Variants in SH2B2 observed in about 807,000 individuals in gnomAD.
The protein encoded by SH2B2 is SH2B adapter protein 2.
In SH2B2, 37 loss-of-function variants were observed where a neutral mutation model predicts 35.7. The observed-to-expected ratio is 1.04, with a 90% confidence interval of 0.80 to 1.36. The LOEUF (loss-of-function observed/expected upper bound fraction) is 1.36, where lower values mean the gene tolerates loss of function less well. SH2B2 is among the 40% of genes most tolerant of loss of function. SH2B2 has a pLI of 0.00. For synonymous variants in SH2B2, 383 were observed against 376.4 expected, an observed-to-expected ratio of 1.02 and a Z score of -0.20; for missense variants, 852 against 817.7, an observed-to-expected ratio of 1.04 and a Z score of -0.51.
intron 1 of SH2B2, among the ~76,000 whole-genome samples, chr7:102,292,660 AGT>A (rs201239129): frequency 0.85 from 129,980 of 152,094 alleles, 55,570 homozygotes; most frequent in East Asian, 0.93. Flanking sequence ...TTCAAAGTGC[AGT>A]GCACTGCACC....
intron 1 of SH2B2, among the ~76,000 whole-genome samples, chr7:102,288,617 G>T (rs898443758): frequency 6.6e-6 from 1 of 152,134 alleles, no homozygotes; most frequent in Admixed American, 6.5e-5. Flanking sequence ...ATACCCAGGG[G>T]TGGGCTTCCC....
intron 7 of SH2B2, among the ~76,000 whole-genome samples, chr7:102,318,219 A>C (rs543957791): frequency 6.6e-6 from 1 of 151,928 alleles, no homozygotes; most frequent in African/African-American, 2.4e-5. Context: ...GCTCATTGCA[A>C]CCTCCGCCTC....
intron 1 of SH2B2, among the ~76,000 whole-genome samples, chr7:102,294,384 G>A (rs1792820959): frequency 6.6e-6 from 1 of 152,198 alleles, no homozygotes; most frequent in Non-Finnish European, 1.5e-5. Flanking sequence ...AGTCGGAAGA[G>A]CAAAGTCCCT....
chr7:102,321,015 G>T (rs924751156), intron 8 of SH2B2, among the ~76,000 whole-genome samples: 2 of 152,216 alleles, frequency 1.3e-5, no homozygotes, highest in Non-Finnish European at 2.9e-5. Flanking sequence ...GCATGGGCAC[G>T]CGTGTGCTTG....
intron 8 of SH2B2, 96 bp downstream of exon 8, chr7:102,320,598 T>G: frequency 6.9e-7 from 1 of 1,446,150 alleles, no homozygotes; most frequent in Non-Finnish European, 9.3e-7. Flanking sequence ...GCCCCAGGTC[T>G]CCTGTCCCAT....
At chr7:102,300,458 G>A in intron 1 of SH2B2, 64 bp from the exon 2 acceptor site, 1 of 1,461,686 alleles carries the variant, frequency 6.8e-7, no homozygotes. Context: ...GAGCTGGAAG[G>A]AGGGGACAGG....
rs1015208233 is a variant in SH2B2, at chr7:102,297,216, G to A, written c.-29-3306G>A. Among the ~76,000 whole-genome samples, 1 of 152,030 alleles carries A rather than the reference G, an allele frequency of 6.6e-6. No individual in the cohort carries two copies. The highest frequency in any genetic ancestry group is 1.5e-5 in the Non-Finnish European group (1 of 68,022). Reference sequence around the variant, plus strand: ...CTTTGTCTGGCATATCCGCACTCTGGATACGACCCGCTCGCCACTTAGGAG... The same window carrying A: ...CTTTGTCTGGCATATCCGCACTCTGAATACGACCCGCTCGCCACTTAGGAG... On this transcript the variant is annotated intron_variant, in intron 1 of 8. Coordinates refer to ENST00000444095, the MANE Select transcript of SH2B2 (RefSeq NM_001359228.2). This position sits in a 1 kb window ranked among gnomAD's most constrained non-coding sequence, Gnocchi z 4.3.
upstream of SH2B2, chr7:102,285,371 C>A: frequency 1.3e-6 from 1 of 759,396 alleles, no homozygotes; most frequent in South Asian, 1.6e-5. Flanking sequence ...CCTCCCCCTT[C>A]CCGGCCTCAT....
chr7:102,305,886 T>C (rs1246247952), intron 2 of SH2B2, among the ~76,000 whole-genome samples: 1 of 149,046 alleles, frequency 6.7e-6, no homozygotes, highest in Non-Finnish European at 1.5e-5. Context: ...GGTCCTTTTT[T>C]TTTTTTCTTT....
intron 2 of SH2B2, among the ~76,000 whole-genome samples, chr7:102,304,819 G>A (rs781883056): frequency 4.6e-5 from 7 of 152,240 alleles, no homozygotes; most frequent in African/African-American, 1.4e-4. Flanking sequence ...GCCAGGCCCC[G>A]TTCATGCTTC....
Position 102,321,427 on chromosome 7 carries a change from GCCT to G in SH2B2, c.1701_1703del (p.Ser570del). 1 of 1,319,902 alleles carries G rather than the reference GCCT, an allele frequency of 7.6e-7. No homozygotes were observed. The highest frequency in any genetic ancestry group is 9.7e-7 in the Non-Finnish European group (1 of 1,032,650). The allele number at this position is 1,319,902 out of a possible 1,614,324, so 81.8% of individuals were successfully genotyped here. On this transcript the variant is annotated inframe_deletion, in exon 9 of 9. Coordinates refer to ENST00000444095, the MANE Select transcript of SH2B2 (RefSeq NM_001359228.2). ...TGCCTCGCCCTCCGACGCCGCCGGC[GCCT>G]CCTCGTCTTCCGCCTCGTCGTCCTC...
At chr7:102,313,704 G>C (rs1793710480) in intron 4 of SH2B2, among the ~76,000 whole-genome samples, 1 of 152,058 alleles carries the variant, frequency 6.6e-6, no homozygotes, top group Non-Finnish European at 1.5e-5. Context: ...CACGAGGTCA[G>C]TTTGAGACCA....
chr7:102,295,175 T>A (rs73402325), intron 1 of SH2B2, among the ~76,000 whole-genome samples: 4,756 of 152,258 alleles, frequency 0.031, 273 homozygotes, highest in African/African-American at 0.11. Flanking sequence ...TGTCTAGGAC[T>A]CGGCACTGGG....
At chr7:102,298,868 C>A (rs1554552973) in intron 1 of SH2B2, among the ~76,000 whole-genome samples, 1 of 151,166 alleles carries the variant, frequency 6.6e-6, no homozygotes, top group Non-Finnish European at 1.5e-5. Flanking sequence ...GCCAATGTGC[C>A]CGGCCAAGAC....
At chr7:102,296,589 G>T (rs1792927773) in intron 1 of SH2B2, among the ~76,000 whole-genome samples, 2 of 152,224 alleles carry the variant, frequency 1.3e-5, no homozygotes, top group South Asian at 4.1e-4. Flanking sequence ...GTGATGGGCT[G>T]GGCCCAAGCC....
rs539954147 is a variant in SH2B2 at position 102,309,646 on chromosome 7, C to A, written c.923+740C>A. 1.5e-5 allele frequency: 3 copies of A among 197,972 alleles called. No homozygotes were observed. The Admixed American group carries it at 1.7e-4, about 11-fold the overall frequency. 12.3% of individuals were successfully genotyped at this position (197,972 alleles called of 1,614,324 possible). A position where few individuals can be genotyped will look rare whatever the true frequency, so the allele number is the denominator to read the frequency against. ...GAAGTGCTGGGATTACCGGCATGAG[C>A]CACTGTGCCCAGCCAACCCTGTCTC... On this transcript the variant is annotated intron_variant, in intron 4 of 8. Transcript: ENST00000444095.
At chr7:102,317,164 TCA>T in intron 6 of SH2B2, 21 bp from the exon 7 acceptor site, 1 of 1,552,658 alleles carries the variant, frequency 6.4e-7, no homozygotes, top group Admixed American at 1.9e-5. Flanking sequence ...CCCATGTTCC[TCA>T]CACTGTCATC....
intron 1 of SH2B2, among the ~76,000 whole-genome samples, chr7:102,296,043 C>T (rs1554552467): frequency 6.6e-6 from 1 of 152,202 alleles, no homozygotes; most frequent in African/African-American, 2.4e-5. Flanking sequence ...CTCCCCTCCC[C>T]CAGTACCAAG....
chr7:102,318,589 C>A (rs782108241), intron 7 of SH2B2, among the ~76,000 whole-genome samples: 1 of 152,178 alleles, frequency 6.6e-6, no homozygotes, highest in Non-Finnish European at 1.5e-5. Flanking sequence ...CCTGCCAGGA[C>A]GGATTTCCTG....
Sources: allele counts gnomAD v4.1 joint callset (sites outside exome capture counted in the v4.1 genomes callset), GRCh38; gene constraint gnomAD v4.1.1; non-coding constraint Gnocchi (gnomAD v3.1); transcripts MANE v1.5; gene names NCBI Gene and HGNC (gene_info 2026-07-23, HGNC 2026-07-21).